The following NLRP12 variants were observed in gnomAD, a reference collection of about 807,000 sequenced individuals.
NLRP12 encodes NLR family pyrin domain containing 12, also known as NACHT, LRR and PYD domains-containing protein 12.
A neutral mutation model predicts 91.2 loss-of-function variants in NLRP12; 108 were observed. The observed-to-expected ratio is 1.18, with a 90% CI of 1.01 to 1.39. The LOEUF is 1.39. Ranked by LOEUF, NLRP12 falls within the 40% of genes most tolerant of loss-of-function variation. The pLI is 0.00. For synonymous variants in NLRP12, 613 were observed against 566.7 expected (o/e 1.08, Z -1.16); for missense variants, 1,530 against 1,352.7 (o/e 1.13, Z -2.06).
chr19:53,803,773 C>T (rs755364959), intron 6 of NLRP12, 179 bp downstream of exon 6: 22 of 635,720 alleles, frequency 3.5e-5, no homozygotes, highest in Admixed American at 6.4e-5. Context: ...GGGGTTTCAC[C>T]GTGTTGGCCA....
At chr19:53,809,540 A>AAAAAAAAAAAC in intron 3 of NLRP12, 47 bp downstream of exon 3, 1 of 1,448,306 alleles carries the variant, frequency 6.9e-7, no homozygotes, top group South Asian at 1.3e-5. Context: ...AAAAAAAAAA[A>AAAAAAAAAAAC]ACACACGAAC....
rs569011993 is a variant in NLRP12 at position 53,816,585 on chromosome 19, G to A, written c.290-1597C>T. ...CGCCCAGGCTGGAGTGCAGTGGCGC[G>A]ATCTCGGCTCACTACAATCTTCACC... On this transcript the variant is annotated intron_variant, in intron 1 of 9. Transcript: ENST00000324134. Among the ~76,000 whole-genome samples the A allele has an allele frequency of 3.9e-5, 6 of 152,156 alleles. No individual in the cohort carries two copies. The East Asian group carries it at 7.7e-4, about 20-fold the overall frequency.
intron 2 of NLRP12, among the ~76,000 whole-genome samples, chr19:53,813,014 C>A (rs1056267024): frequency 4.6e-5 from 7 of 150,974 alleles, no homozygotes; most frequent in Non-Finnish European, 1.0e-4. Context: ...CTGAGTAACT[C>A]GATTTACAGG....
intron 2 of NLRP12, among the ~76,000 whole-genome samples, chr19:53,811,899 C>T (rs931445590): frequency 2.0e-5 from 3 of 152,058 alleles, no homozygotes; most frequent in East Asian, 1.9e-4. Flanking sequence ...ATTTATAGAA[C>T]GGGTACATTA....
At chr19:53,815,120 T>C in intron 1 of NLRP12, 132 bp from the exon 2 acceptor site, 1 of 737,810 alleles carries the variant, frequency 1.4e-6, no homozygotes, top group Middle Eastern at 3.6e-4. Flanking sequence ...CAGTAGTGAC[T>C]GCATAGGCCG....
chr19:53,798,385 C>G lies in NLRP12; in HGVS notation c.2785G>C (p.Ala929Pro). Residue 929 changes from alanine to proline, a missense_variant, in exon 8 of 10, where the codon GCC becomes CCC. By Grantham distance (27) the Ala-to-Pro change is conservative (BLOSUM62 -1). Coordinates refer to ENST00000324134, the MANE Select transcript of NLRP12 (RefSeq NM_144687.4). ...AGCACCACAGAAAGACCCTCACAGG[C>G]GGCAGAGCCCAGCCGGCAGATGCCC... ...RLGICRLGSAACEGLSVVLQA... is the reference protein window; with the variant it reads ...RLGICRLGSAPCEGLSVVLQA... 6.2e-7 allele frequency: 1 copy of G among 1,614,092 alleles called. No homozygotes were observed. The highest frequency in any genetic ancestry group is 8.5e-7 in the Non-Finnish European group (1 of 1,180,018).
chr19:53,795,863 G>A lies in NLRP12; in HGVS notation c.3094C>T (p.Leu1032Phe). ...LSHPGCKLRV[L>F]WLFGMDLNKM... The stretch of plus-strand genomic sequence containing the variant: ...GAACTGGTCATCATCCCTCACCAGA[G>A]GACTCGGAGTTTGCAGCCAGGATGG... The change falls in exon 9 of 10, where the codon CTC (leucine) becomes TTC (phenylalanine). Residue 1032 changes from leucine (L) to phenylalanine (F), a missense_variant. Physicochemically the swap from Leu to Phe is conservative, Grantham distance 22. Transcript: ENST00000324134. The A allele has an allele frequency of 1.2e-6, 2 of 1,613,968 alleles. No individual in the cohort carries two copies. Among genetic ancestry groups the A allele is most frequent in the South Asian group, 2.2e-5 (2 of 91,074 alleles).
chr19:53,808,910 C>T (rs902477278), intron 3 of NLRP12, among the ~76,000 whole-genome samples: 7 of 151,934 alleles, frequency 4.6e-5, no homozygotes, highest in Admixed American at 1.3e-4. Flanking sequence ...CCACCAAAAA[C>T]GTGTCTCCAA....
Position 53,810,255 on chromosome 19 carries a change from C to G in NLRP12, c.1404G>C (p.Gly468=), listed in dbSNP as rs1031177834. ...CAAATAGGATTTTCTGATTCCAGAG[C>G]CCATCTGCCGCCAAGGAGCACAACC... ...QRGLCSLAAD[G]LWNQKILFEE... The change falls in exon 3 of 10, where the codon GGG becomes GGC. Residue 468 remains glycine (G), a synonymous_variant. Transcript: ENST00000324134. 1.8e-5 allele frequency: 29 copies of G among 1,613,986 alleles called. No individual in the cohort carries two copies. Among genetic ancestry groups the G allele is most frequent in the Non-Finnish European group, 2.5e-5 (29 of 1,180,036 alleles).
chr19:53,795,099 GGTGTGTGCGTGTGTGTGT>G (rs1409311792), intron 9 of NLRP12, among the ~76,000 whole-genome samples: 21 of 133,512 alleles, frequency 1.6e-4, no homozygotes, highest in African/African-American at 5.7e-4. Context: ...CACCATACCT[GGTGTGTGCGTGTGTGTGT>G]GTGTGTGTGT....
Position 53,815,843 on chromosome 19 carries a change from C to T in NLRP12, c.290-855G>A, listed in dbSNP as rs145830199. 1.7e-3 allele frequency among the ~76,000 whole-genome samples: 262 copies of T among 151,944 alleles called. 5 individuals are homozygous for T. The East Asian group carries it at 0.046, about 27-fold the overall frequency. On this transcript the variant is annotated intron_variant, in intron 1 of 9. Transcript: ENST00000324134. ...GTCAGGCTGGTCTTGAACTCCTGACCTCGTGATCCACCCAACTCGGCCTCC... is the reference window on the plus strand; with the variant it reads ...GTCAGGCTGGTCTTGAACTCCTGACTTCGTGATCCACCCAACTCGGCCTCC...
intron 6 of NLRP12, 76 bp from the exon 7 acceptor site, chr19:53,801,473 A>G (rs2091873225): frequency 2.2e-6 from 3 of 1,333,598 alleles, no homozygotes; most frequent in Non-Finnish European, 2.0e-6. Flanking sequence ...TTTTTTTGAG[A>G]CAGAGTCCCA....
intron 5 of NLRP12, among the ~76,000 whole-genome samples, chr19:53,804,345 C>T (rs1162655941): frequency 2.0e-5 from 3 of 151,818 alleles, no homozygotes; most frequent in Non-Finnish European, 4.4e-5. Flanking sequence ...GTGTGCACCA[C>T]CACACCTGCC....
At chr19:53,814,455 T>A (rs961520620) in intron 2 of NLRP12, among the ~76,000 whole-genome samples, 1 of 152,022 alleles carries the variant, frequency 6.6e-6, no homozygotes, top group East Asian at 1.9e-4. Flanking sequence ...CAGGTTCAAG[T>A]GATTCTTCTG....
chr19:53,800,116 C>T lies in NLRP12; in HGVS notation c.2756+1111G>A, dbSNP rs368851303. 5.1e-3 allele frequency among the ~76,000 whole-genome samples: 770 copies of T among 152,120 alleles called. 6 individuals carry two copies. The highest frequency in any genetic ancestry group is 0.016 in the African/African-American group (654 of 41,548). On this transcript the variant is annotated intron_variant, in intron 7 of 9. Transcript: ENST00000324134. Reference sequence around the variant, plus strand: ...GAGAGAGAGACCATCCTGGCTAACACGGTGAAACCCCATCTCTACTAAAAA... The same window carrying T: ...GAGAGAGAGACCATCCTGGCTAACATGGTGAAACCCCATCTCTACTAAAAA...
chr19:53,800,457 C>T (rs890704689), intron 7 of NLRP12, among the ~76,000 whole-genome samples: 4 of 152,062 alleles, frequency 2.6e-5, no homozygotes, highest in African/African-American at 9.7e-5. Flanking sequence ...GACCCTGTCT[C>T]AAAATACAAA....
rs2092046574 is a variant in NLRP12, at chr19:53,810,365, TG to T, written c.1293del (p.Thr432LeufsTer9). 2 of 1,613,502 alleles carry T rather than the reference TG, an allele frequency of 1.2e-6. No homozygotes were observed. The highest frequency in any genetic ancestry group is 1.7e-6 in the Non-Finnish European group (2 of 1,180,004). ...GGLLRQTSRT[T>X]TAVYMLYLLS... is the part of the protein sequence containing the mutation. ...AGCAGGTAGAGCATGTACACTGCAG[TG>T]GTGGTCCTGGACGTCTGTCTCAACA... is the stretch of plus-strand genomic sequence containing the variant. On this transcript the variant is annotated frameshift_variant, in exon 3 of 10. Coordinates refer to ENST00000324134, the MANE Select transcript of NLRP12 (RefSeq NM_144687.4). LOFTEE classifies it high-confidence loss of function.
At position 53,798,369 on chromosome 19, in the gene NLRP12, GA is replaced by G. The variant is rs1568657976; in HGVS notation, c.2800del (p.Ser934LeufsTer15). ...GTTGTGGTTGGCCTGGAGCACCACA[GA>G]AAGACCCTCACAGGCGGCAGAGCCC... ...RLGSAACEGL[S>X]VVLQANHNLR... On this transcript the variant is annotated frameshift_variant, in exon 8 of 10. Coordinates refer to ENST00000324134, the MANE Select transcript of NLRP12 (RefSeq NM_144687.4). LOFTEE classifies it high-confidence loss of function. The G allele has an allele frequency of 1.2e-6, 2 of 1,614,158 alleles. No individual in the cohort carries two copies. Among genetic ancestry groups the G allele is most frequent in the Non-Finnish European group, 1.7e-6 (2 of 1,180,028 alleles).
In NLRP12 at chr19:53,798,175, G is replaced by A. The variant is rs1378538803; in HGVS notation, c.2927+68C>T. ...CAGGATAGTTCATAAATAGAAAAAT[G>A]AAGGATGAGAAGGCGCTTCCACTGT... is the stretch of plus-strand genomic sequence containing the variant. On this transcript the variant is annotated intron_variant, in intron 8 of 9. Coordinates refer to ENST00000324134, the MANE Select transcript of NLRP12 (RefSeq NM_144687.4). The A allele has an allele frequency of 2.0e-6, 3 of 1,510,412 alleles. No homozygotes were observed. The African/African-American group carries it at 4.1e-5, about 21-fold the overall frequency. 93.6% of individuals were successfully genotyped at this position (1,510,412 alleles called of 1,614,324 possible).
Sources: allele counts gnomAD v4.1 joint callset (sites outside exome capture counted in the v4.1 genomes callset), GRCh38; gene constraint gnomAD v4.1.1; transcripts MANE v1.5; gene names NCBI Gene and HGNC (gene_info 2026-07-23, HGNC 2026-07-21).